Variants in PTPN21 observed in about 807,000 individuals in gnomAD.
PTPN21 encodes the protein tyrosine-protein phosphatase non-receptor type 21.
A neutral mutation model predicts 131.8 loss-of-function variants in PTPN21; 77 were observed. The ratio of observed to expected loss-of-function variants is 0.58; its 90% CI spans 0.49 to 0.71. The LOEUF (loss-of-function observed/expected upper bound fraction) is 0.71, where lower values mean the gene tolerates loss of function less well. PTPN21 is among the 30% of genes least tolerant of loss of function. The pLI is 0.00. For synonymous variants in PTPN21, 715 were observed against 621.3 expected, an observed-to-expected ratio of 1.15 and a Z score of -2.24; for missense variants, 1,552 against 1,527.1, an observed-to-expected ratio of 1.02 and a Z score of -0.27.
chr14:88,469,659 C>CTAA lies in PTPN21; in HGVS notation c.3074_3075insTTA (p.Arg1025delinsSerTer). The CTAA allele has an allele frequency of 1.9e-6, 3 of 1,614,142 alleles. No individual in the cohort carries two copies. Among genetic ancestry groups the CTAA allele is most frequent in the Non-Finnish European group, 2.5e-6 (3 of 1,180,032 alleles). On this transcript the variant is annotated stop_gained and protein_altering_variant, in exon 17 of 19. Transcript: ENST00000556564. LOFTEE classifies it high-confidence loss of function. The surrounding 1 kb of genome is among the most constrained non-coding windows in gnomAD (Gnocchi z 4.3). ...TGCGGAACCGGGTCGTGATCTTAAA[C>CTAA]CTTCCATAGGTGACAGTGTTGTGCC...
chr14:88,524,553 G>C (rs1436174285), intron 2 of PTPN21, among the ~76,000 whole-genome samples: 1 of 152,246 alleles, frequency 6.6e-6, no homozygotes, highest in South Asian at 2.1e-4. Flanking sequence ...GGGAATAAAT[G>C]CTTGAGTATA....
At chr14:88,521,703 G>A (rs1041839200) in intron 2 of PTPN21, among the ~76,000 whole-genome samples, 8 of 151,626 alleles carry the variant, frequency 5.3e-5, no homozygotes, top group South Asian at 2.1e-4. Flanking sequence ...GAGCCACCAC[G>A]CCTGGCTGTA....
chr14:88,511,080 A>T (rs1422905567), intron 3 of PTPN21, among the ~76,000 whole-genome samples: 2 of 151,572 alleles, frequency 1.3e-5, no homozygotes, highest in East Asian at 3.9e-4. Context: ...AGCTGGCTAA[A>T]TTTTTTTTAA....
chr14:88,524,051 C>T (rs2078439862), intron 2 of PTPN21, among the ~76,000 whole-genome samples: 1 of 152,012 alleles, frequency 6.6e-6, no homozygotes, highest in African/African-American at 2.4e-5. Flanking sequence ...GCAGTACTAC[C>T]CAAAGTAATC....
At chr14:88,547,045 T>G (rs1050841913) in intron 2 of PTPN21, among the ~76,000 whole-genome samples, 1 of 152,160 alleles carries the variant, frequency 6.6e-6, no homozygotes, top group African/African-American at 2.4e-5. Context: ...GCTCAAAATA[T>G]ACCCACAGCT....
intron 2 of PTPN21, among the ~76,000 whole-genome samples, chr14:88,535,405 A>G (rs2078615611): frequency 6.6e-6 from 1 of 152,206 alleles, no homozygotes; most frequent in Admixed American, 6.5e-5. Flanking sequence ...GTGTGGTACA[A>G]AGAGCACTAG....
At chr14:88,511,777 A>T (rs1392802604) in intron 3 of PTPN21, among the ~76,000 whole-genome samples, 1 of 152,240 alleles carries the variant, frequency 6.6e-6, no homozygotes, top group Non-Finnish European at 1.5e-5. Flanking sequence ...AAAAGCAAGT[A>T]TTCCATAAAC....
Position 88,479,102 on chromosome 14 carries a change from CG to C in PTPN21, c.2328del (p.Val777SerfsTer16). Reference sequence around the variant, plus strand: ...CGCTGGGCCTCTGCGGTCGTGCGGACGGGGCTGCTGTCCATCATCCTCTTCT... The same window carrying C: ...CGCTGGGCCTCTGCGGTCGTGCGGACGGGCTGCTGTCCATCATCCTCTTCT... The part of the protein sequence containing the change: ...DAEKRMMDSS[P>X]VRTTAEAQRP... On this transcript the variant is annotated frameshift_variant, in exon 13 of 19. Transcript: ENST00000556564. LOFTEE classifies it high-confidence loss of function. 1.3e-6 allele frequency: 2 copies of C among 1,574,932 alleles called. No individual in the cohort carries two copies. The highest frequency in any genetic ancestry group is 1.7e-6 in the Non-Finnish European group (2 of 1,162,136).
intron 13 of PTPN21, among the ~76,000 whole-genome samples, chr14:88,474,328 T>A (rs528802143): frequency 8.5e-5 from 13 of 152,048 alleles, no homozygotes; most frequent in Non-Finnish European, 1.8e-4. Context: ...TACCTGGGAC[T>A]ACCAGCACAT....
At chr14:88,490,923 G>A (rs765569862) in intron 10 of PTPN21, among the ~76,000 whole-genome samples, 14 of 152,114 alleles carry the variant, frequency 9.2e-5, no homozygotes, top group Non-Finnish European at 1.6e-4. Flanking sequence ...GGCCTCTCAT[G>A]ACTCCCCAAC....
chr14:88,544,562 AT>A (rs945950784), intron 2 of PTPN21, among the ~76,000 whole-genome samples: 4 of 152,210 alleles, frequency 2.6e-5, no homozygotes, highest in Non-Finnish European at 2.9e-5. Context: ...TACTATTATT[AT>A]CCCCAACTTA....
chr14:88,537,622 T>C (rs2078648820), intron 2 of PTPN21, among the ~76,000 whole-genome samples: 1 of 152,158 alleles, frequency 6.6e-6, no homozygotes, highest in African/African-American at 2.4e-5. Flanking sequence ...TGCCAGATAC[T>C]GATAAGTGCT....
At chr14:88,492,963 T>A (rs1243546330) in intron 10 of PTPN21, 1 of 389,210 alleles carries the variant, frequency 2.6e-6, no homozygotes, top group East Asian at 7.4e-5. Flanking sequence ...ATGAAAATGA[T>A]CTGTCAGTTG....
chr14:88,493,321 G>C (rs921543459), intron 10 of PTPN21, among the ~76,000 whole-genome samples: 2 of 152,208 alleles, frequency 1.3e-5, no homozygotes, highest in African/African-American at 2.4e-5. Flanking sequence ...ATGTTTGGTG[G>C]TGTCTATGGG....
chr14:88,535,300 G>T (rs1023866694), intron 2 of PTPN21, among the ~76,000 whole-genome samples: 1 of 152,152 alleles, frequency 6.6e-6, no homozygotes, highest in Non-Finnish European at 1.5e-5. Flanking sequence ...ATTGCCTAAC[G>T]AATTTCTTAG....
At chr14:88,504,314 T>A (rs1020328535) in intron 6 of PTPN21, 111 bp downstream of exon 6, 2 of 885,480 alleles carry the variant, frequency 2.3e-6, no homozygotes, top group African/African-American at 3.4e-5. Context: ...TGTTCCAAAT[T>A]TAGTTGGGCA....
chr14:88,521,146 A>C lies in PTPN21; in HGVS notation c.181-3885T>G, dbSNP rs990231657. 4.1e-4 allele frequency among the ~76,000 whole-genome samples: 63 copies of C among 152,070 alleles called. 1 individual carries two copies. The highest frequency in any genetic ancestry group is 4.1e-3 in the Admixed American group (63 of 15,252). ...GGAGTGTGCCACTGTGCCAGCCTGA[A>C]AACCACTATATTTTTAAAAATATCA... On this transcript the variant is annotated intron_variant, in intron 2 of 18. Coordinates refer to ENST00000556564, the MANE Select transcript of PTPN21 (RefSeq NM_007039.4).
At position 88,467,969 on chromosome 14, in the gene PTPN21, G is replaced by A; in HGVS notation, c.*168C>T. The A allele has an allele frequency of 1.1e-6, 1 of 897,798 alleles. No individual in the cohort carries two copies. The highest frequency in any genetic ancestry group is 1.8e-6 in the Non-Finnish European group (1 of 568,896). 55.6% of individuals were successfully genotyped at this position (897,798 alleles called of 1,614,324 possible). A position where few individuals can be genotyped will look rare whatever the true frequency, so the allele number is the denominator to read the frequency against. ...CAGGTTAGAAACCCCTCTTCAGCCT[G>A]TGCTTCGCACGTTTCCTTCAGCGTG... On this transcript the variant is annotated 3_prime_UTR_variant, in exon 19 of 19. Transcript: ENST00000556564.
chr14:88,506,952 A>G (rs1033993487), intron 4 of PTPN21, among the ~76,000 whole-genome samples: 24 of 152,162 alleles, frequency 1.6e-4, no homozygotes, highest in African/African-American at 5.3e-4. Flanking sequence ...AGGCTGAGGC[A>G]GGAGAATCGC....
Sources: gnomAD v4.1 joint callset for allele counts (sites outside exome capture counted in the v4.1 genomes callset) on GRCh38, gnomAD v4.1.1 for gene constraint, Gnocchi (gnomAD v3.1) non-coding constraint, MANE v1.5 for transcripts, NCBI Gene and HGNC (gene_info 2026-07-23, HGNC 2026-07-21) for gene names.